Variants in DAB1 observed in about 807,000 individuals in gnomAD.
DAB1 encodes the protein disabled homolog 1.
In DAB1, 15 loss-of-function variants were observed where a neutral mutation model predicts 64.6. That is an observed-to-expected ratio of 0.23 (90% confidence interval 0.16 to 0.36). The LOEUF is 0.36. DAB1 is among the 10% of genes least tolerant of loss of function. The probability of loss-of-function intolerance (pLI) is 1.00; values close to 1 mark genes in which losing one functional copy is unlikely to be tolerated. For missense variants in DAB1, 596 were observed against 706.7 expected (o/e 0.84, Z 1.78); for synonymous variants, 235 against 251.9 (o/e 0.93, Z 0.64).
chr1:57,886,079 T>C (rs1644216715), upstream of DAB1, among the ~76,000 whole-genome samples: 1 of 152,192 alleles, frequency 6.6e-6, no homozygotes, highest in Non-Finnish European at 1.5e-5. Context: ...TGCTTTCTCT[T>C]GCTGAAATAA....
chr1:58,353,085 C>T (rs2100517163), intron 3 of DAB1, among the ~76,000 whole-genome samples: 1 of 152,186 alleles, frequency 6.6e-6, no homozygotes, highest in South Asian at 2.1e-4. Flanking sequence ...CCGAATCGAA[C>T]CTCCACCAAG....
intron 6 of DAB1, among the ~76,000 whole-genome samples, chr1:57,795,157 C>A (rs964980887): frequency 6.6e-6 from 1 of 152,174 alleles, no homozygotes; most frequent in Non-Finnish European, 1.5e-5. Flanking sequence ...CAGAATACCA[C>A]TAACCAAAAT....
chr1:57,637,378 G>A (rs1469797940), intron 7 of DAB1, among the ~76,000 whole-genome samples: 2 of 152,168 alleles, frequency 1.3e-5, no homozygotes, highest in African/African-American at 4.8e-5. Flanking sequence ...GGAATCCCAG[G>A]GGAAAGATGC....
At chr1:57,001,720 A>G (rs750444034) in intron 14 of DAB1, among the ~76,000 whole-genome samples, 3 of 152,092 alleles carry the variant, frequency 2.0e-5, no homozygotes, top group Non-Finnish European at 4.4e-5. Flanking sequence ...GTTCACCCTC[A>G]CATGCTGGAG....
At chr1:58,534,405 A>G (rs959931803) in intron 1 of DAB1, 7 of 668,890 alleles carry the variant, frequency 1.0e-5, no homozygotes, top group Non-Finnish European at 1.8e-5. Context: ...GGAAAGTTAT[A>G]TGGCTACTTA....
intron 2 of DAB1, among the ~76,000 whole-genome samples, chr1:57,176,574 C>A (rs1427437163): frequency 6.6e-6 from 1 of 152,072 alleles, no homozygotes; most frequent in Non-Finnish European, 1.5e-5. Context: ...TAAACGAAAA[C>A]CCCTCCACCA....
chr1:57,929,325 A>G (rs1366887399), intron 5 of DAB1, among the ~76,000 whole-genome samples: 1 of 152,212 alleles, frequency 6.6e-6, no homozygotes, highest in East Asian at 1.9e-4. Flanking sequence ...CATATTTTGG[A>G]TAACAAATGT....
At chr1:58,337,415 T>C (rs1663146118) in intron 4 of DAB1, among the ~76,000 whole-genome samples, 2 of 152,226 alleles carry the variant, frequency 1.3e-5, no homozygotes, top group South Asian at 4.1e-4. Flanking sequence ...TATAAGCATT[T>C]TTCTCTTTTC....
intron 11 of DAB1, among the ~76,000 whole-genome samples, chr1:57,022,245 T>A (rs754508577): frequency 6.6e-6 from 1 of 152,192 alleles, no homozygotes; most frequent in African/African-American, 2.4e-5. Context: ...GGACAAAGCA[T>A]GGGCACTCCG....
chr1:58,365,059 C>T (rs1158055886), intron 3 of DAB1, among the ~76,000 whole-genome samples: 3 of 152,176 alleles, frequency 2.0e-5, no homozygotes, highest in Non-Finnish European at 4.4e-5. Flanking sequence ...GCCCTCGTTG[C>T]GTAGAAGTTA....
At chr1:57,721,900 C>T (rs1011180622) in intron 6 of DAB1, among the ~76,000 whole-genome samples, 3 of 152,158 alleles carry the variant, frequency 2.0e-5, no homozygotes, top group African/African-American at 7.2e-5. Context: ...CATTATGATT[C>T]CCATTACAAA....
chr1:57,361,260 C>T (rs1275595288), intron 1 of DAB1, among the ~76,000 whole-genome samples: 1 of 152,112 alleles, frequency 6.6e-6, no homozygotes, highest in Admixed American at 6.6e-5. Context: ...TAAAACTCAG[C>T]ATGTCCCAAG....
At chr1:58,233,559 T>C (rs1659883124) in intron 4 of DAB1, among the ~76,000 whole-genome samples, 1 of 152,158 alleles carries the variant, frequency 6.6e-6, no homozygotes, top group African/African-American at 2.4e-5. Context: ...GTCTTTTCAT[T>C]CTCTCTCTAA....
At chr1:57,289,398 C>T (rs1247691855) in intron 2 of DAB1, among the ~76,000 whole-genome samples, 1 of 152,170 alleles carries the variant, frequency 6.6e-6, no homozygotes, top group Non-Finnish European at 1.5e-5. Flanking sequence ...TCTGCGACCT[C>T]TTTTTTCTTT....
intron 3 of DAB1, among the ~76,000 whole-genome samples, chr1:58,466,987 A>C (rs1273273317): frequency 6.6e-6 from 1 of 152,218 alleles, no homozygotes; most frequent in Non-Finnish European, 1.5e-5. Flanking sequence ...GCCTCACAGC[A>C]GATCTGCGGC....
At chr1:57,223,419 TC>T (rs529896262) in intron 2 of DAB1, among the ~76,000 whole-genome samples, 4 of 152,170 alleles carry the variant, frequency 2.6e-5, no homozygotes, top group African/African-American at 4.8e-5. Context: ...AAAACTTACC[TC>T]GCTGGCTTAG....
chr1:57,181,823 T>A (rs1410886216), intron 2 of DAB1, among the ~76,000 whole-genome samples: 1 of 152,202 alleles, frequency 6.6e-6, no homozygotes, highest in Non-Finnish European at 1.5e-5. Flanking sequence ...CAAATGGAGA[T>A]ATGCCTTATT....
intron 6 of DAB1, among the ~76,000 whole-genome samples, chr1:57,708,757 C>T (rs1176681276): frequency 1.3e-5 from 2 of 152,110 alleles, no homozygotes; most frequent in Non-Finnish European, 2.9e-5. Context: ...GCTCTCTCTC[C>T]CTTAAGCACA....
chr1:57,678,899 T>C (rs1047992747), intron 6 of DAB1, among the ~76,000 whole-genome samples: 1 of 150,886 alleles, frequency 6.6e-6, no homozygotes, highest in African/African-American at 2.4e-5. Context: ...CCTGAGTAGC[T>C]GCGACTACAA....
Sources: allele counts gnomAD v4.1 joint callset (sites outside exome capture counted in the v4.1 genomes callset), GRCh38; gene constraint gnomAD v4.1.1; transcripts MANE v1.5; gene names NCBI Gene and HGNC (gene_info 2026-07-23, HGNC 2026-07-21).